Variants in ARCN1 observed in about 807,000 individuals in gnomAD.
The protein encoded by ARCN1 is archain 1 coat protein complex I subunit delta.
A neutral mutation model predicts 60.4 loss-of-function variants in ARCN1; 5 were observed. That is an observed-to-expected ratio of 0.08 (90% CI 0.04 to 0.17). The LOEUF (loss-of-function observed/expected upper bound fraction) is 0.17, where lower values mean the gene tolerates loss of function less well. Ranked by LOEUF, ARCN1 falls within the 10% of genes least tolerant of loss-of-function variation. The probability of loss-of-function intolerance (pLI) is 1.00; values close to 1 mark genes in which losing one functional copy is unlikely to be tolerated. For missense variants in ARCN1, 464 were observed against 626.5 expected, an observed-to-expected ratio of 0.74 and a Z score of 2.77; for synonymous variants, 224 against 220.0, an observed-to-expected ratio of 1.02 and a Z score of -0.16.
chr11:118,572,679 C>A, intron 1 of ARCN1, 129 bp downstream of exon 1: 2 of 1,233,626 alleles, frequency 1.6e-6, no homozygotes, highest in Non-Finnish European at 2.3e-6. Flanking sequence ...TTGCTCCGGG[C>A]TCGGGGAGCA....
In ARCN1 at chr11:118,584,531, A is replaced by G; in HGVS notation, c.705A>G (p.Val235=). The G allele has an allele frequency of 6.2e-7, 1 of 1,614,024 alleles. No individual in the cohort carries two copies. The highest frequency in any genetic ancestry group is 8.5e-7 in the Non-Finnish European group (1 of 1,179,988). ...ALKLGAKGKE[V]DNFVDKLKSE... ...AACTTGGAGCCAAAGGAAAGGAAGTAGATAACTTTGTGGACAAATTAAAAT... is the reference window on the plus strand; with the variant it reads ...AACTTGGAGCCAAAGGAAAGGAAGTGGATAACTTTGTGGACAAATTAAAAT... Residue 235 remains valine (V), a synonymous_variant, in exon 5 of 10, where the codon GTA becomes GTG. Coordinates refer to ENST00000264028, the MANE Select transcript of ARCN1 (RefSeq NM_001655.5).
chr11:118,578,338 A>G lies in ARCN1; in HGVS notation c.4-2908A>G, dbSNP rs577892023. Reference sequence around the variant, plus strand: ...AACTCCAGTTGGAAACCTAAGAACTACCCTTGAGCCTGTAAACATTGTTTC... The same window carrying G: ...AACTCCAGTTGGAAACCTAAGAACTGCCCTTGAGCCTGTAAACATTGTTTC... On this transcript the variant is annotated intron_variant, in intron 1 of 9. Coordinates refer to ENST00000264028, the MANE Select transcript of ARCN1 (RefSeq NM_001655.5). 3.3e-5 allele frequency among the ~76,000 whole-genome samples: 5 copies of G among 152,168 alleles called. No individual in the cohort carries two copies. In the South Asian group the frequency reaches 1.0e-3, roughly 32 times the overall value.
intron 1 of ARCN1, chr11:118,573,607 C>T: frequency 1.4e-6 from 1 of 689,738 alleles, no homozygotes; most frequent in Non-Finnish European, 2.6e-6. Flanking sequence ...CTTTTTTATT[C>T]TTTTGTCAAT....
chr11:118,597,707 G>A lies in ARCN1; in HGVS notation c.1242G>A (p.Pro414=). 7.4e-6 allele frequency: 12 copies of A among 1,613,938 alleles called. No homozygotes were observed. Among genetic ancestry groups the A allele is most frequent in the Non-Finnish European group, 1.0e-5 (12 of 1,179,956 alleles). The part of the protein sequence containing the change: ...LNDVVITIPL[P]SGVGAPVIGE... ...TTGACCAGAATGTTTCTCACAACAG[G>A]TCTGGTGTCGGCGCGCCTGTTATCG... Residue 414 remains proline, a splice_region_variant and synonymous_variant, in exon 9 of 10, where the codon CCG becomes CCA. Transcript: ENST00000264028.
At chr11:118,592,588 A>T in intron 6 of ARCN1, 121 bp from the exon 7 acceptor site, 2 of 651,432 alleles carry the variant, frequency 3.1e-6, no homozygotes, top group Non-Finnish European at 4.9e-6. Context: ...AAAATGAAAA[A>T]GAATTGGAAT....
At chr11:118,577,193 A>G (rs1182144064) in intron 1 of ARCN1, among the ~76,000 whole-genome samples, 2 of 152,154 alleles carry the variant, frequency 1.3e-5, no homozygotes, top group Non-Finnish European at 2.9e-5. Flanking sequence ...TTTCAAAACA[A>G]ACAAATCCTG....
chr11:118,581,127 A>C lies in ARCN1; in HGVS notation c.4-119A>C, dbSNP rs114244318. The C allele has an allele frequency of 1.1e-3, 1,488 of 1,317,696 alleles. 16 individuals are homozygous for C. In the African/African-American group the frequency reaches 0.019, roughly 16 times the overall value. The allele number at this position is 1,317,696 out of a possible 1,614,324, so 81.6% of individuals were successfully genotyped here. Reference sequence around the variant, plus strand: ...AGAGTGAGACCCTGTCTTAAAAATAATACTACTACTAGTCATGTCACTAAA... The same window carrying C: ...AGAGTGAGACCCTGTCTTAAAAATACTACTACTACTAGTCATGTCACTAAA... On this transcript the variant is annotated intron_variant, in intron 1 of 9. Transcript: ENST00000264028.
At position 118,584,991 on chromosome 11, in the gene ARCN1, A is replaced by G. The variant is rs188383760; in HGVS notation, c.818+347A>G. Among the ~76,000 whole-genome samples the G allele has an allele frequency of 9.2e-4, 139 of 150,678 alleles. 4 individuals carry two copies. The East Asian group carries it at 0.012, about 13-fold the overall frequency. ...CAGGCGCCCACCCCTACGCCCGGCT[A>G]ATTTTTTTGTATTTTTAGTAGAGAT... On this transcript the variant is annotated intron_variant, in intron 5 of 9. Transcript: ENST00000264028.
chr11:118,598,349 C>G (rs1404569124), intron 9 of ARCN1, among the ~76,000 whole-genome samples: 1 of 151,976 alleles, frequency 6.6e-6, no homozygotes, highest in Non-Finnish European at 1.5e-5. Context: ...AAAATCCATT[C>G]TATTACAAAT....
At chr11:118,597,608 G>C in intron 8 of ARCN1, 99 bp from the exon 9 acceptor site, 1 of 1,380,416 alleles carries the variant, frequency 7.2e-7, no homozygotes, top group South Asian at 1.4e-5. Context: ...AGTCCTAGAA[G>C]GCAAAATTTG....
At chr11:118,597,950 G>T (rs1457231290) in intron 9 of ARCN1, 39 bp downstream of exon 9, 1 of 1,598,270 alleles carries the variant, frequency 6.3e-7, no homozygotes, top group Admixed American at 1.7e-5. Flanking sequence ...AGGGAAAGTG[G>T]TAGGACAGTA....
In ARCN1 at chr11:118,584,754, C is replaced by T. The variant is rs550452518; in HGVS notation, c.818+110C>T. On this transcript the variant is annotated intron_variant, in intron 5 of 9. Transcript: ENST00000264028. ...TTCTTTCTCTGTCTTTTAATCGTTCCTGATTTAAAAGATTTATTCAGAGCA... is the reference window on the plus strand; with the variant it reads ...TTCTTTCTCTGTCTTTTAATCGTTCTTGATTTAAAAGATTTATTCAGAGCA... The T allele has an allele frequency of 5.8e-6, 6 of 1,038,944 alleles. No individual in the cohort carries two copies. The African/African-American group carries it at 1.0e-4, about 17-fold the overall frequency. 64.4% of individuals were successfully genotyped at this position (1,038,944 alleles called of 1,614,324 possible).
intron 1 of ARCN1, among the ~76,000 whole-genome samples, chr11:118,578,874 CTTTTTTTT>C (rs56050047): frequency 0.11 from 9,437 of 83,272 alleles, 605 homozygotes; most frequent in East Asian, 0.37. Context: ...CCCCGTCTCT[CTTTTTTTT>C]TTTTTTTTTT....
At chr11:118,577,935 G>T (rs957042335) in intron 1 of ARCN1, among the ~76,000 whole-genome samples, 8 of 152,094 alleles carry the variant, frequency 5.3e-5, no homozygotes, top group Non-Finnish European at 7.3e-5. Flanking sequence ...GCGCGCAGAT[G>T]ACTTGAGGCC....
intron 1 of ARCN1, among the ~76,000 whole-genome samples, chr11:118,575,411 G>GGTGTGTGTGTGTGTGTGTGT (rs56934953): frequency 3.3e-4 from 49 of 149,186 alleles, no homozygotes; most frequent in African/African-American, 1.2e-3. Flanking sequence ...ACTGATAACG[G>GGTGTGTGTGTGTGTGTGTGT]GTGTGTGTGT....
chr11:118,599,573 G>A (rs961938711), intron 9 of ARCN1, among the ~76,000 whole-genome samples: 12 of 151,580 alleles, frequency 7.9e-5, no homozygotes, highest in Non-Finnish European at 2.9e-5. Context: ...CTACAGGCGT[G>A]TACTGCCACA....
chr11:118,586,277 G>T (rs1415233172), intron 5 of ARCN1, among the ~76,000 whole-genome samples: 1 of 151,994 alleles, frequency 6.6e-6, no homozygotes, highest in Non-Finnish European at 1.5e-5. Context: ...CTTATTTTTA[G>T]TAGAGACAGA....
rs782261826 is a variant in ARCN1, at chr11:118,597,886, C to G, written c.1421C>G (p.Ser474Cys). 14 of 1,613,926 alleles carry G rather than the reference C, an allele frequency of 8.7e-6. No homozygotes were observed. The highest frequency in any genetic ancestry group is 1.3e-5 in the African/African-American group (1 of 74,874). ...DFFPVQVSFV[S>C]KKNYCNIQVT... is the part of the protein sequence containing the mutation. ...TTCCCTGTTCAAGTTTCCTTTGTCT[C>G]CAAGAAAAATTACTGTAACATACAG... Residue 474 changes from serine to cysteine, a missense_variant, in exon 9 of 10, where the codon TCC becomes TGC. This residue lies in a region of ARCN1 where 359 missense variants were observed against 440.2 expected (regional missense o/e 0.82). Transcript: ENST00000264028.
intron 9 of ARCN1, among the ~76,000 whole-genome samples, chr11:118,600,019 T>G (rs1214744488): frequency 6.6e-6 from 1 of 152,220 alleles, no homozygotes; most frequent in East Asian, 1.9e-4. Context: ...ATTCAAAGAT[T>G]AGGACATTAT....
Sources: gnomAD v4.1 joint callset for allele counts (sites outside exome capture counted in the v4.1 genomes callset) on GRCh38, gnomAD v4.1.1 for gene constraint, gnomAD v4.1.1 regional missense constraint, MANE v1.5 for transcripts, NCBI Gene and HGNC (gene_info 2026-07-23, HGNC 2026-07-21) for gene names.